TMEM266: variants seen among roughly 807,000 people sequenced by gnomAD.
TMEM266 encodes the protein transmembrane protein 266.
Under a neutral mutation model 50.5 loss-of-function variants are expected in TMEM266, and 33 were observed. That is an observed-to-expected ratio of 0.65 (90% CI 0.50 to 0.87). The LOEUF (loss-of-function observed/expected upper bound fraction) is 0.87. Ranked by LOEUF, TMEM266 falls within the 40% of genes least tolerant of loss-of-function variation. The probability of loss-of-function intolerance (pLI) is 0.00; values close to 1 mark genes in which losing one functional copy is unlikely to be tolerated. For synonymous variants in TMEM266, 310 were observed against 292.3 expected, an observed-to-expected ratio of 1.06 and a Z score of -0.62; for missense variants, 655 against 695.1, an observed-to-expected ratio of 0.94 and a Z score of 0.65.
chr15:76,204,321 G>C lies in TMEM266; in HGVS notation c.*6G>C. The stretch of plus-strand genomic sequence containing the variant: ...ACAGGGTCCCTGAGGCCTAGAGCCT[G>C]CCATGGGCTGGGTGAGATGAGGGGA... On this transcript the variant is annotated 3_prime_UTR_variant, in exon 11 of 11. Coordinates refer to ENST00000388942, the MANE Select transcript of TMEM266 (RefSeq NM_152335.3). The C allele has an allele frequency of 1.3e-6, 2 of 1,589,304 alleles. No individual in the cohort carries two copies. Among genetic ancestry groups the C allele is most frequent in the South Asian group, 1.1e-5 (1 of 88,702 alleles).
At chr15:76,173,747 AC>A (rs1437604926) in intron 7 of TMEM266, among the ~76,000 whole-genome samples, 1 of 151,936 alleles carries the variant, frequency 6.6e-6, no homozygotes, top group East Asian at 1.9e-4. Flanking sequence ...AGCCTGGTCA[AC>A]CCTGTGAAAC....
chr15:76,120,758 C>CAAAAAA (rs60694791), intron 1 of TMEM266, among the ~76,000 whole-genome samples: 52 of 57,672 alleles, frequency 9.0e-4, no homozygotes, highest in South Asian at 1.1e-3. Flanking sequence ...AAGACTGTCT[C>CAAAAAA]AAAAAAAAAA....
intron 5 of TMEM266, among the ~76,000 whole-genome samples, chr15:76,165,166 C>A (rs2038076227): frequency 6.6e-6 from 1 of 152,230 alleles, no homozygotes; most frequent in Admixed American, 6.5e-5. Context: ...TTCCCACTCT[C>A]CCCTCCTGCA....
At chr15:76,103,820 G>A (rs540379819) in intron 1 of TMEM266, among the ~76,000 whole-genome samples, 2 of 151,932 alleles carry the variant, frequency 1.3e-5, no homozygotes, top group Admixed American at 6.6e-5. Flanking sequence ...GCTGAGGCAG[G>A]AGAATCAGTT....
At chr15:76,171,279 C>A in intron 7 of TMEM266, 148 bp downstream of exon 7, 2 of 1,165,272 alleles carry the variant, frequency 1.7e-6, no homozygotes, top group South Asian at 3.1e-5. Context: ...CCAGCTGTCC[C>A]TGCTCACTCG....
At chr15:76,084,462 T>G (rs983931373) in intron 1 of TMEM266, among the ~76,000 whole-genome samples, 3 of 152,206 alleles carry the variant, frequency 2.0e-5, no homozygotes, top group African/African-American at 4.8e-5. Context: ...GAGGTCAGCA[T>G]GACAGACATG....
At chr15:76,135,432 G>A (rs1165928876) in intron 2 of TMEM266, among the ~76,000 whole-genome samples, 2 of 152,200 alleles carry the variant, frequency 1.3e-5, no homozygotes, top group Non-Finnish European at 2.9e-5. Flanking sequence ...ACGTTGGAAA[G>A]CCAGAAATAG....
In TMEM266 at chr15:76,132,113, A is replaced by AT. The variant is rs10648544; in HGVS notation, c.-96-2042dup. On this transcript the variant is annotated intron_variant, in intron 1 of 10. Coordinates refer to ENST00000388942, the MANE Select transcript of TMEM266 (RefSeq NM_152335.3). ...AAAGTATATGCTGTTTACCAATCCA[A>AT]TTTTTTTTTTTTTGAGATGGAGTCT... Among the ~76,000 whole-genome samples the AT allele has an allele frequency of 6.1e-3, 892 of 145,660 alleles. 9 individuals carry two copies. Among genetic ancestry groups the AT allele is most frequent in the African/African-American group, 0.016 (651 of 39,870 alleles).
chr15:76,145,458 C>A (rs1483134684), intron 3 of TMEM266, among the ~76,000 whole-genome samples: 2 of 152,206 alleles, frequency 1.3e-5, no homozygotes, highest in African/African-American at 4.8e-5. Context: ...TCACTGTCTT[C>A]TAAGAGCAAC....
At chr15:76,117,309 C>CA (rs1382366283) in intron 1 of TMEM266, among the ~76,000 whole-genome samples, 1 of 151,898 alleles carries the variant, frequency 6.6e-6, no homozygotes, top group Non-Finnish European at 1.5e-5. Flanking sequence ...GATGGCTTCT[C>CA]AGAGACAAGG....
At chr15:76,129,576 G>C (rs1337378972) in intron 1 of TMEM266, among the ~76,000 whole-genome samples, 1 of 152,128 alleles carries the variant, frequency 6.6e-6, no homozygotes, top group East Asian at 1.9e-4. Context: ...GGGAGGTGGA[G>C]GTTGCAGTGA....
At position 76,161,368 on chromosome 15, in the gene TMEM266, G is replaced by C. The variant is rs2038016312; in HGVS notation, c.456+1200G>C. 6.6e-6 allele frequency among the ~76,000 whole-genome samples: 1 copy of C among 152,084 alleles called. No homozygotes were observed. Among genetic ancestry groups the C allele is most frequent in the Non-Finnish European group, 1.5e-5 (1 of 67,996 alleles). On this transcript the variant is annotated intron_variant, in intron 5 of 10. Transcript: ENST00000388942. This position sits in a 1 kb window ranked among gnomAD's most constrained non-coding sequence, Gnocchi z 4.1. ...AGGGAGGAAGGATGCTATGGGAGAG[G>C]GTGGCGTGGGCAGAGGCACTGAGGT...
intron 1 of TMEM266, among the ~76,000 whole-genome samples, chr15:76,070,785 C>T (rs1389187565): frequency 2.6e-5 from 4 of 152,190 alleles, no homozygotes; most frequent in Admixed American, 2.6e-4. Flanking sequence ...CCCTCTTGGG[C>T]TTCCATAATG....
intron 1 of TMEM266, among the ~76,000 whole-genome samples, chr15:76,120,563 C>A (rs1194103219): frequency 1.3e-5 from 2 of 151,894 alleles, no homozygotes; most frequent in Non-Finnish European, 2.9e-5. Context: ...GAGTTAGAGA[C>A]CAGCCTGGGC....
At chr15:76,150,712 C>T (rs544486851) in intron 3 of TMEM266, among the ~76,000 whole-genome samples, 3 of 152,310 alleles carry the variant, frequency 2.0e-5, no homozygotes, top group East Asian at 1.9e-4. Context: ...TGGCGCCACA[C>T]GGCTCTACTT....
At chr15:76,075,124 A>G (rs774464889) in intron 1 of TMEM266, among the ~76,000 whole-genome samples, 1 of 152,102 alleles carries the variant, frequency 6.6e-6, no homozygotes, top group Non-Finnish European at 1.5e-5. Flanking sequence ...ACAGTTGGAT[A>G]TGCAAATCTG....
intron 1 of TMEM266, among the ~76,000 whole-genome samples, chr15:76,067,847 ATAAT>A (rs2036462874): frequency 6.6e-6 from 1 of 152,108 alleles, no homozygotes; most frequent in Non-Finnish European, 1.5e-5. Context: ...CAAACCAAAA[ATAAT>A]TAATATTTCT....
chr15:76,060,358 G>T (rs1414381009), intron 1 of TMEM266, among the ~76,000 whole-genome samples: 2 of 150,354 alleles, frequency 1.3e-5, no homozygotes, highest in East Asian at 3.9e-4. Context: ...CATGCAAGCT[G>T]GAGGGGGGGG....
chr15:76,196,573 C>T (rs925821126), intron 9 of TMEM266, among the ~76,000 whole-genome samples: 1 of 151,908 alleles, frequency 6.6e-6, no homozygotes, highest in Non-Finnish European at 1.5e-5. Flanking sequence ...GTGCTTGTTG[C>T]TAACTAACTG....
Sources: allele counts gnomAD v4.1 joint callset (sites outside exome capture counted in the v4.1 genomes callset), GRCh38; gene constraint gnomAD v4.1.1; non-coding constraint Gnocchi (gnomAD v3.1); transcripts MANE v1.5; gene names NCBI Gene and HGNC (gene_info 2026-07-23, HGNC 2026-07-21).